Variants in CNNM1 observed in about 807,000 individuals in gnomAD.
CNNM1 encodes metal transporter CNNM1.
A neutral mutation model predicts 78.8 loss-of-function variants in CNNM1; 44 were observed. The observed-to-expected ratio is 0.56, with a 90% CI of 0.44 to 0.72. The LOEUF is 0.72. Ranked by LOEUF, CNNM1 falls within the 30% of genes least tolerant of loss-of-function variation. The pLI is 0.00. For missense variants in CNNM1, 1,101 were observed against 1,292.2 expected (o/e 0.85, Z 2.27); for synonymous variants, 584 against 581.5 (o/e 1.00, Z -0.06).
chr10:99,330,508 A>G lies in CNNM1; in HGVS notation c.1121A>G (p.Tyr374Cys). Reference sequence around the variant, plus strand: ...ATGGCAGCCGCCTTCCCCGTGTGCTACCCGCTGGGCCGCCTGCTGGACTGG... The same window carrying G: ...ATGGCAGCCGCCTTCCCCGTGTGCTGCCCGCTGGGCCGCCTGCTGGACTGG... ...LLMAAAFPVCYPLGRLLDWAL... is the reference protein window; with the variant it reads ...LLMAAAFPVCCPLGRLLDWAL... Residue 374 changes from tyrosine to cysteine, a missense_variant, in exon 1 of 11, where the codon TAC becomes TGC. Physicochemically the swap from Tyr to Cys is radical, Grantham distance 194. This residue lies in a region of CNNM1 where 277 missense variants were observed against 423.2 expected (regional missense o/e 0.65). Coordinates refer to ENST00000356713, the MANE Select transcript of CNNM1 (RefSeq NM_020348.3). 1.3e-6 allele frequency: 2 copies of G among 1,585,112 alleles called. No individual in the cohort carries two copies. The highest frequency in any genetic ancestry group is 8.6e-7 in the Non-Finnish European group (1 of 1,166,474).
intron 1 of CNNM1, among the ~76,000 whole-genome samples, chr10:99,337,858 A>G (rs1237379644): frequency 6.6e-6 from 1 of 152,274 alleles, no homozygotes; most frequent in Non-Finnish European, 1.5e-5. Context: ...GAGCACTAGA[A>G]AATGAATTAA....
chr10:99,360,189 G>A (rs953632398), intron 2 of CNNM1, among the ~76,000 whole-genome samples: 1 of 152,136 alleles, frequency 6.6e-6, no homozygotes, highest in African/African-American at 2.4e-5. Flanking sequence ...TCCCAGTGGA[G>A]GGACTGGGGT....
chr10:99,354,076 C>T (rs1384349051), intron 1 of CNNM1, among the ~76,000 whole-genome samples: 1 of 151,972 alleles, frequency 6.6e-6, no homozygotes, highest in Non-Finnish European at 1.5e-5. Flanking sequence ...AAAAAATATC[C>T]AATTATAGGA....
At chr10:99,342,132 GT>G (rs544141891) in intron 1 of CNNM1, among the ~76,000 whole-genome samples, 167 of 152,278 alleles carry the variant, frequency 1.1e-3, no homozygotes, top group Non-Finnish European at 1.9e-3. Context: ...TGAATACCAT[GT>G]TGAGAATCAT....
In CNNM1 at chr10:99,392,401, A is replaced by G. The variant is rs1462512443; in HGVS notation, c.*885A>G. 1 of 152,700 alleles carries G rather than the reference A, an allele frequency of 6.5e-6. No homozygotes were observed. The highest frequency in any genetic ancestry group is 1.5e-5 in the Non-Finnish European group (1 of 68,056). The allele number at this position is 152,700 out of a possible 1,614,324, so 9.5% of individuals were successfully genotyped here. Reference sequence around the variant, plus strand: ...GGAAAAACTGTAAGTGCTGAAAGCAAGTTTAGCCATGACAAACCAAAGAGT... The same window carrying G: ...GGAAAAACTGTAAGTGCTGAAAGCAGGTTTAGCCATGACAAACCAAAGAGT... On this transcript the variant is annotated 3_prime_UTR_variant, in exon 11 of 11. Transcript: ENST00000356713.
chr10:99,340,663 A>T (rs892069476), intron 1 of CNNM1, among the ~76,000 whole-genome samples: 1 of 151,916 alleles, frequency 6.6e-6, no homozygotes, highest in Non-Finnish European at 1.5e-5. Context: ...CTACTGTTAT[A>T]TTCCTTTTCA....
chr10:99,342,432 T>A lies in CNNM1; in HGVS notation c.1573+11472T>A, dbSNP rs553448606. ...TACCATGGTGCTCTGGATGACACAG[T>A]TGGCTTTTTTATAATTGCCTTTTAG... On this transcript the variant is annotated intron_variant, in intron 1 of 10. Transcript: ENST00000356713. Among the ~76,000 whole-genome samples, 4 of 152,346 alleles carry A rather than the reference T, an allele frequency of 2.6e-5. No homozygotes were observed. The South Asian group carries it at 8.3e-4, about 32-fold the overall frequency.
At position 99,364,389 on chromosome 10, in the gene CNNM1, T is replaced by G. The variant is rs762209900; in HGVS notation, c.2029-28T>G. On this transcript the variant is annotated intron_variant, in intron 4 of 10. Coordinates refer to ENST00000356713, the MANE Select transcript of CNNM1 (RefSeq NM_020348.3). ...AACTGGAAGTGCTCATACACATTCA[T>G]AGTACACTTCCTTTTTTTTTTTTCC... is the stretch of plus-strand genomic sequence containing the variant. 4 of 1,546,266 alleles carry G rather than the reference T, an allele frequency of 2.6e-6. No individual in the cohort carries two copies. The South Asian group carries it at 4.6e-5, about 18-fold the overall frequency.
chr10:99,394,288 T>C lies in CNNM1; in HGVS notation c.*2772T>C, dbSNP rs1307135701. ...AAAGCATTTATGAAGGCTTAATAAA[T>C]TGTAAATAATTTTTAAATAAAATGA... On this transcript the variant is annotated 3_prime_UTR_variant, in exon 11 of 11. Transcript: ENST00000356713. The C allele has an allele frequency of 1.3e-5, 2 of 152,262 alleles. No individual in the cohort carries two copies. Among genetic ancestry groups the C allele is most frequent in the Non-Finnish European group, 2.9e-5 (2 of 68,038 alleles). The allele number at this position is 152,262 out of a possible 1,614,324, so 9.4% of individuals were successfully genotyped here.
At position 99,330,198 on chromosome 10, in the gene CNNM1, C is replaced by T. The variant is rs931737637; in HGVS notation, c.811C>T (p.Arg271Cys). Reference sequence around the variant, plus strand: ...GGCCGCCGAGCAGGAGCAGGCGCGCCGCGTGCAGGCCGTTCGCGGCAGGGG... The same window carrying T: ...GGCCGCCGAGCAGGAGCAGGCGCGCTGCGTGCAGGCCGTTCGCGGCAGGGG... ...GSAAEQEQAR[R>C]VQAVRGRGTH... Residue 271 changes from arginine to cysteine, a missense_variant, in exon 1 of 11, where the codon CGC (arginine) becomes TGC (cysteine). By Grantham distance (180) the Arg-to-Cys change is radical. This residue lies in a region of CNNM1 where 476 missense variants were observed against 484.5 expected (regional missense o/e 0.98). Transcript: ENST00000356713. The T allele has an allele frequency of 1.3e-6, 2 of 1,510,592 alleles. No individual in the cohort carries two copies. Among genetic ancestry groups the T allele is most frequent in the Admixed American group, 4.2e-5 (2 of 47,198 alleles). 93.6% of individuals were successfully genotyped at this position (1,510,592 alleles called of 1,614,324 possible). A position where few individuals can be genotyped will look rare whatever the true frequency, so the allele number is the denominator to read the frequency against.
intron 2 of CNNM1, among the ~76,000 whole-genome samples, chr10:99,358,532 G>T (rs1383231868): frequency 6.6e-6 from 1 of 152,122 alleles, no homozygotes; most frequent in Admixed American, 6.5e-5. Flanking sequence ...TTCAGAAACT[G>T]GCTCCTGGTA....
At chr10:99,356,598 A>AAGAAAGAAAG (rs2031211171) in intron 1 of CNNM1, among the ~76,000 whole-genome samples, 1 of 129,888 alleles carries the variant, frequency 7.7e-6, no homozygotes, top group South Asian at 2.4e-4. Context: ...GAAAGAAAGA[A>AAGAAAGAAAG]AGAAAGAAAA....
intron 1 of CNNM1, among the ~76,000 whole-genome samples, chr10:99,340,100 G>C (rs138927316): frequency 5.3e-5 from 8 of 152,286 alleles, no homozygotes; most frequent in African/African-American, 1.9e-4. Flanking sequence ...ATTGTATATA[G>C]AGAGAAAGAA....
At chr10:99,332,243 AG>A (rs1449949746) in intron 1 of CNNM1, among the ~76,000 whole-genome samples, 20 of 152,246 alleles carry the variant, frequency 1.3e-4, no homozygotes, top group African/African-American at 4.6e-4. Flanking sequence ...GAATAAGTGT[AG>A]AACTTCCCAG....
At position 99,329,566 on chromosome 10, in the gene CNNM1, G is replaced by C. The variant is rs1225649677; in HGVS notation, c.179G>C (p.Gly60Ala). The change falls in exon 1 of 11, where the codon GGC becomes GCC. Residue 60 changes from glycine to alanine, a missense_variant. Transcript: ENST00000356713. The part of the protein sequence containing the change: ...TAGGRVSLEG[G>A]TLRAAEGTSF... ...GGAGGCCGCGTGTCCCTGGAGGGGG[G>C]CACCCTGCGCGCCGCCGAAGGCACC... is the stretch of plus-strand genomic sequence containing the variant. The C allele has an allele frequency of 2.6e-6, 4 of 1,524,702 alleles. No homozygotes were observed. Among genetic ancestry groups the C allele is most frequent in the Non-Finnish European group, 1.7e-6 (2 of 1,147,676 alleles). The allele number at this position is 1,524,702 out of a possible 1,614,324, so 94.4% of individuals were successfully genotyped here. A position where few individuals can be genotyped will look rare whatever the true frequency, so the allele number is the denominator to read the frequency against.
Position 99,329,813 on chromosome 10 carries a change from C to A in CNNM1, c.426C>A (p.Asp142Glu). The A allele has an allele frequency of 1.2e-5, 18 of 1,459,370 alleles. No homozygotes were observed. The highest frequency in any genetic ancestry group is 2.3e-4 in the Middle Eastern group (1 of 4,268). The allele number at this position is 1,459,370 out of a possible 1,614,324, so 90.4% of individuals were successfully genotyped here. A position where few individuals can be genotyped will look rare whatever the true frequency, so the allele number is the denominator to read the frequency against. ...RCREQSDWAS[D>E]VEVLGPLRPG... The stretch of plus-strand genomic sequence containing the variant: ...GGGAGCAGAGCGACTGGGCATCGGA[C>A]GTGGAAGTCCTGGGGCCCTTGCGTC... The change falls in exon 1 of 11, where the codon GAC becomes GAA. Residue 142 changes from aspartate to glutamate, a missense_variant. Coordinates refer to ENST00000356713, the MANE Select transcript of CNNM1 (RefSeq NM_020348.3).
chr10:99,378,860 C>T (rs945024993), intron 7 of CNNM1, among the ~76,000 whole-genome samples: 3 of 152,116 alleles, frequency 2.0e-5, no homozygotes, highest in African/African-American at 4.8e-5. Flanking sequence ...TTAGAGTGAG[C>T]GGCAGGACAT....
At chr10:99,389,881 A>G (rs1433032553) in intron 9 of CNNM1, among the ~76,000 whole-genome samples, 1 of 152,196 alleles carries the variant, frequency 6.6e-6, no homozygotes, top group Non-Finnish European at 1.5e-5. Context: ...GGGAGAAGAC[A>G]GGGGCATTGT....
At chr10:99,384,159 C>A (rs73328358) in intron 7 of CNNM1, among the ~76,000 whole-genome samples, 8 of 152,160 alleles carry the variant, frequency 5.3e-5, no homozygotes, top group East Asian at 1.9e-4. Context: ...AACAGTATTA[C>A]GCTAGATTAA....
Sources: gnomAD v4.1 joint callset for allele counts (sites outside exome capture counted in the v4.1 genomes callset) on GRCh38, gnomAD v4.1.1 for gene constraint, gnomAD v4.1.1 regional missense constraint, MANE v1.5 for transcripts, NCBI Gene and HGNC (gene_info 2026-07-23, HGNC 2026-07-21) for gene names.